KIF13A: variants seen among roughly 807,000 people sequenced by gnomAD.
KIF13A encodes the protein kinesin-like protein KIF13A.
In KIF13A, 79 loss-of-function variants were observed where a neutral mutation model predicts 212.2. The observed-to-expected ratio is 0.37, with a 90% CI of 0.31 to 0.45. The LOEUF (loss-of-function observed/expected upper bound fraction) is 0.45. Among genes scored for constraint, KIF13A ranks in the 20% least tolerant of loss-of-function variants. The pLI, the probability that KIF13A is intolerant of heterozygous loss-of-function variation, is 1.00. For synonymous variants in KIF13A, 789 were observed against 808.6 expected (o/e 0.98, Z 0.41); for missense variants, 1,901 against 2,209.0 (o/e 0.86, Z 2.79).
chr6:17,970,408 G>A (rs1483502657), intron 2 of KIF13A, among the ~76,000 whole-genome samples: 1 of 151,872 alleles, frequency 6.6e-6, no homozygotes, highest in Non-Finnish European at 1.5e-5. Flanking sequence ...TTTGAGACTA[G>A]CCTGGTCAAC....
At chr6:17,978,346 G>C (rs932488641) in intron 2 of KIF13A, among the ~76,000 whole-genome samples, 3 of 152,260 alleles carry the variant, frequency 2.0e-5, no homozygotes, top group East Asian at 3.9e-4. Context: ...CTTAACATTT[G>C]CATGTCTAAA....
intron 9 of KIF13A, among the ~76,000 whole-genome samples, chr6:17,841,996 C>T (rs1766561065): frequency 8.0e-6 from 1 of 125,046 alleles, no homozygotes; most frequent in Non-Finnish European, 1.7e-5. Context: ...TGTATATACA[C>T]ATACGTGTGT....
chr6:17,859,076 GA>G (rs1201898265), intron 4 of KIF13A, among the ~76,000 whole-genome samples: 1 of 152,112 alleles, frequency 6.6e-6, no homozygotes, highest in African/African-American at 2.4e-5. Flanking sequence ...GAATACGCTG[GA>G]ATTAGGAGGA....
chr6:17,978,557 CTTGT>C (rs1561832995), intron 2 of KIF13A, among the ~76,000 whole-genome samples: 2 of 152,146 alleles, frequency 1.3e-5, no homozygotes, highest in African/African-American at 4.8e-5. Context: ...TTCGGAATGT[CTTGT>C]TTATTTCTCT....
intron 2 of KIF13A, among the ~76,000 whole-genome samples, chr6:17,983,033 C>T (rs1327230411): frequency 2.0e-5 from 3 of 151,682 alleles, no homozygotes; most frequent in Non-Finnish European, 4.4e-5. Context: ...ATTAGCTGGG[C>T]GTGGTGGTGG....
chr6:17,971,159 C>T lies in KIF13A; in HGVS notation c.146+15895G>A, dbSNP rs867901160. 6.6e-6 allele frequency among the ~76,000 whole-genome samples: 1 copy of T among 152,054 alleles called. No homozygotes were observed. Among genetic ancestry groups the T allele is most frequent in the Admixed American group, 6.6e-5 (1 of 15,266 alleles). On this transcript the variant is annotated intron_variant, in intron 2 of 38. Transcript: ENST00000259711. The surrounding 1 kb of genome is among the most constrained non-coding windows in gnomAD (Gnocchi z 4.2). The stretch of plus-strand genomic sequence containing the variant: ...TCTTAGTATGATCTGGCCTGAAGGA[C>T]CCAAGATCCTCAGAACTCCAATAGC...
chr6:17,950,955 T>C, intron 2 of KIF13A: 1 of 971,252 alleles, frequency 1.0e-6, no homozygotes, highest in East Asian at 1.1e-4. Context: ...AAAACTTTCT[T>C]AATTTTAAAT....
rs1779502308 is a variant in KIF13A, at chr6:17,968,304, C to A, written c.146+18750G>T. The stretch of plus-strand genomic sequence containing the variant: ...CACAGGCAATGGACTCCAGGTGGAG[C>A]TGGAGGAAGAGGCCCTGGCAATCTA... On this transcript the variant is annotated intron_variant, in intron 2 of 38. Coordinates refer to ENST00000259711, the MANE Select transcript of KIF13A (RefSeq NM_022113.6). The surrounding 1 kb of genome is among the most constrained non-coding windows in gnomAD (Gnocchi z 4.7). Among the ~76,000 whole-genome samples, 1 of 152,208 alleles carries A rather than the reference C, an allele frequency of 6.6e-6. No individual in the cohort carries two copies. Among genetic ancestry groups the A allele is most frequent in the African/African-American group, 2.4e-5 (1 of 41,460 alleles).
chr6:17,805,375 G>C (rs997172619), intron 19 of KIF13A, 100 bp downstream of exon 19: 1 of 88,142 alleles, frequency 1.1e-5, no homozygotes, highest in African/African-American at 8.3e-5. Context: ...ATCTCCGTGT[G>C]TGTGTGTGTG....
At position 17,828,149 on chromosome 6, in the gene KIF13A, A is replaced by T; in HGVS notation, c.1532+91T>A. 7.4e-7 allele frequency: 1 copy of T among 1,345,018 alleles called. No homozygotes were observed. Among genetic ancestry groups the T allele is most frequent in the Non-Finnish European group, 1.0e-6 (1 of 986,714 alleles). The allele number at this position is 1,345,018 out of a possible 1,614,324, so 83.3% of individuals were successfully genotyped here. A position where few individuals can be genotyped will look rare whatever the true frequency, so the allele number is the denominator to read the frequency against. On this transcript the variant is annotated intron_variant, in intron 14 of 38. Transcript: ENST00000259711. The surrounding 1 kb of genome is among the most constrained non-coding windows in gnomAD (Gnocchi z 4.3). ...AGGACCCCCATGTATCCTTAACTTT[A>T]ATATAGCTGAAAGCAAACAGAAAGA...
rs1758721507 is a variant in KIF13A at position 17,763,990 on chromosome 6, G to A, written c.*120C>T. 2 of 1,459,784 alleles carry A rather than the reference G, an allele frequency of 1.4e-6. No individual in the cohort carries two copies. The highest frequency in any genetic ancestry group is 1.8e-6 in the Non-Finnish European group (2 of 1,105,698). 90.4% of individuals were successfully genotyped at this position (1,459,784 alleles called of 1,614,324 possible). A position where few individuals can be genotyped will look rare whatever the true frequency, so the allele number is the denominator to read the frequency against. Reference sequence around the variant, plus strand: ...CTTGCTCTCCGACAGAGACAGCTGTGCAGGAAGTGAGCCTGCTTCTCTGTG... The same window carrying A: ...CTTGCTCTCCGACAGAGACAGCTGTACAGGAAGTGAGCCTGCTTCTCTGTG... On this transcript the variant is annotated 3_prime_UTR_variant, in exon 39 of 39. Transcript: ENST00000259711.
Position 17,787,658 on chromosome 6 carries a change from C to CAAA in KIF13A, c.3361+117_3361+118insTTT, listed in dbSNP as rs902577453. 125 of 672,276 alleles carry CAAA rather than the reference C, an allele frequency of 1.9e-4. No individual in the cohort carries two copies. The highest frequency in any genetic ancestry group is 2.6e-4 in the Non-Finnish European group (97 of 377,782). The allele number at this position is 672,276 out of a possible 1,614,324, so 41.6% of individuals were successfully genotyped here. On this transcript the variant is annotated intron_variant, in intron 27 of 38. Transcript: ENST00000259711. The surrounding 1 kb of genome is among the most constrained non-coding windows in gnomAD (Gnocchi z 4.6). ...AGAGTGAGACCCTGTCTTAAAACAA[C>CAAA]AACAACAACAACAACAAAAATAAGA...
rs1480011316 is a variant in KIF13A at position 17,883,411 on chromosome 6, T to C, written c.160-9974A>G. 6.6e-6 allele frequency among the ~76,000 whole-genome samples: 1 copy of C among 152,088 alleles called. No individual in the cohort carries two copies. The highest frequency in any genetic ancestry group is 1.5e-5 in the Non-Finnish European group (1 of 67,994). On this transcript the variant is annotated intron_variant, in intron 3 of 38. Transcript: ENST00000259711. This position sits in a 1 kb window ranked among gnomAD's most constrained non-coding sequence, Gnocchi z 4.8. ...TCCTGGTGAACTAACTACCTCTTAA[T>C]CAATCATGTAAATCTGTTTTCACAT...
chr6:17,804,811 TAAAAAAAAAAAAAAAAA>T lies in KIF13A; in HGVS notation c.2305-318_2305-302del, dbSNP rs56785510. ...TGACAGAGCGAGACTCTGTCTCCAT[TAAAAAAAAAAAAAAAAA>T]AAAAAAAAAAAAAAAAAGAATTAGC... On this transcript the variant is annotated intron_variant, in intron 19 of 38. Transcript: ENST00000259711. 2.7e-3 allele frequency among the ~76,000 whole-genome samples: 64 copies of T among 23,308 alleles called. 1 individual carries two copies. Among genetic ancestry groups the T allele is most frequent in the East Asian group, 6.1e-3 (2 of 330 alleles). The allele number at this position is 23,308 out of a possible 152,430, so 15.3% of individuals were successfully genotyped here.
chr6:17,830,463 T>C (rs1765352774), intron 13 of KIF13A, among the ~76,000 whole-genome samples: 1 of 152,168 alleles, frequency 6.6e-6, no homozygotes, highest in African/African-American at 2.4e-5. Context: ...TTGATACTTT[T>C]TTTAAGAGTG....
chr6:17,762,541 C>T (rs1046131299), downstream of KIF13A, among the ~76,000 whole-genome samples: 1 of 152,090 alleles, frequency 6.6e-6, no homozygotes, highest in Non-Finnish European at 1.5e-5. Context: ...AGGCCTGCCA[C>T]ACCCTCCTTG....
At chr6:17,973,186 T>C (rs184559556) in intron 2 of KIF13A, among the ~76,000 whole-genome samples, 21 of 152,330 alleles carry the variant, frequency 1.4e-4, no homozygotes, top group Admixed American at 1.2e-3. Context: ...CACACATATA[T>C]ACACTTGTTG....
rs1767505001 is a variant in KIF13A at position 17,850,221 on chromosome 6, T to C, written c.717+102A>G. The C allele has an allele frequency of 8.7e-7, 1 of 1,147,196 alleles. No individual in the cohort carries two copies. 71.1% of individuals were successfully genotyped at this position (1,147,196 alleles called of 1,614,324 possible). On this transcript the variant is annotated intron_variant, in intron 8 of 38. Transcript: ENST00000259711. The surrounding 1 kb of genome is among the most constrained non-coding windows in gnomAD (Gnocchi z 6.2). ...CACCTAGTAAGCAGAAGAGCCAACA[T>C]ACAATTCTCAGCCACTGAACCCAAC...
intron 6 of KIF13A, among the ~76,000 whole-genome samples, chr6:17,853,387 A>G (rs1348623639): frequency 1.3e-5 from 2 of 152,156 alleles, no homozygotes; most frequent in African/African-American, 4.8e-5. Context: ...ATTCTTGTAC[A>G]CTGCTGGTGG....
Sources: gnomAD v4.1 joint callset for allele counts (sites outside exome capture counted in the v4.1 genomes callset) on GRCh38, gnomAD v4.1.1 for gene constraint, Gnocchi (gnomAD v3.1) non-coding constraint, MANE v1.5 for transcripts, NCBI Gene and HGNC (gene_info 2026-07-23, HGNC 2026-07-21) for gene names.